MCPH1: variants seen among roughly 807,000 people sequenced by gnomAD.
The protein encoded by MCPH1 is microcephalin 1.
In MCPH1, 104 loss-of-function variants were observed where a neutral mutation model predicts 84.5. That is an observed-to-expected ratio of 1.23 (90% confidence interval 1.05 to 1.45). The LOEUF (loss-of-function observed/expected upper bound fraction) is 1.45, where lower values mean the gene tolerates loss of function less well. Among genes scored for constraint, MCPH1 ranks in the 40% most tolerant of loss-of-function variants. MCPH1 has a pLI of 0.00. For missense variants in MCPH1, 1,498 were observed against 1,005.7 expected (o/e 1.49, Z -6.62); for synonymous variants, 514 against 366.8 (o/e 1.40, Z -4.58).
intron 8 of MCPH1, chr8:6,446,844 C>A (rs1804453643): frequency 1.0e-6 from 1 of 985,186 alleles, no homozygotes; most frequent in Admixed American, 6.2e-5. Context: ...TGTGCTAGTC[C>A]TCGGAAGCAG....
chr8:6,621,539 C>A lies in MCPH1; in HGVS notation c.2300C>A (p.Ala767Asp). 2 of 1,614,192 alleles carry A rather than the reference C, an allele frequency of 1.2e-6. No homozygotes were observed. Reference protein sequence around the residue: ...ADQPAMFVSPASSPPVAKLCE... With the variant: ...ADQPAMFVSPDSSPPVAKLCE... Reference sequence around the variant, plus strand: ...CAGCCAGCGATGTTTGTCTCGCCTGCCAGCAGCCCCCCAGTGGCCAAGCTC... The same window carrying A: ...CAGCCAGCGATGTTTGTCTCGCCTGACAGCAGCCCCCCAGTGGCCAAGCTC... The change falls in exon 13 of 14, where the codon GCC becomes GAC. Residue 767 changes from alanine to aspartate, a missense_variant. By Grantham distance (126) the Ala-to-Asp change is moderately radical. Transcript: ENST00000344683.
At chr8:6,519,986 C>A (rs147113668) in intron 12 of MCPH1, 1 of 1,613,290 alleles carries the variant, frequency 6.2e-7, no homozygotes, top group Admixed American at 1.7e-5. Context: ...ACAGTGGGGT[C>A]CTTAGCTGCT....
At chr8:6,626,314 C>A (rs865818317) in intron 13 of MCPH1, 1 of 985,166 alleles carries the variant, frequency 1.0e-6, no homozygotes, top group African/African-American at 1.7e-5. Flanking sequence ...ATCTGCGCCG[C>A]GTTGCCTAAT....
At chr8:6,611,447 C>A (rs774743892) in intron 12 of MCPH1, among the ~76,000 whole-genome samples, 14 of 152,190 alleles carry the variant, frequency 9.2e-5, no homozygotes, top group Non-Finnish European at 1.8e-4. Flanking sequence ...TTGACCAATT[C>A]ATCACAAACG....
At chr8:6,550,153 C>A (rs1196378440) in intron 12 of MCPH1, among the ~76,000 whole-genome samples, 1 of 152,230 alleles carries the variant, frequency 6.6e-6, no homozygotes, top group African/African-American at 2.4e-5. Context: ...GAATCCCTTC[C>A]CCGCACAACC....
At chr8:6,484,654 C>T (rs1809640384) in intron 11 of MCPH1, among the ~76,000 whole-genome samples, 1 of 152,250 alleles carries the variant, frequency 6.6e-6, no homozygotes, top group Non-Finnish European at 1.5e-5. Context: ...GATCAACCAG[C>T]TGGACCAACC....
intron 12 of MCPH1, among the ~76,000 whole-genome samples, chr8:6,610,958 T>C (rs1252277408): frequency 6.6e-6 from 1 of 152,206 alleles, no homozygotes; most frequent in Non-Finnish European, 1.5e-5. Context: ...TCCATGCGCT[T>C]GTGGCTTTGC....
chr8:6,481,668 C>T (rs1214822533), intron 11 of MCPH1, among the ~76,000 whole-genome samples: 1 of 152,136 alleles, frequency 6.6e-6, no homozygotes. Context: ...CAAGAATGGC[C>T]GTCGTCTTTT....
At chr8:6,473,320 CTTTTTTTTTTTTTTTTT>C (rs56077837) in intron 9 of MCPH1, among the ~76,000 whole-genome samples, 6 of 76,396 alleles carry the variant, frequency 7.9e-5, no homozygotes, top group South Asian at 7.9e-4. Flanking sequence ...TCTCTCAATC[CTTTTTTTTTTTTTTTTT>C]TTTTTTTTTT....
At chr8:6,423,622 T>C (rs1320290791) in intron 3 of MCPH1, among the ~76,000 whole-genome samples, 1 of 152,244 alleles carries the variant, frequency 6.6e-6, no homozygotes. Context: ...TCTTAGTTAT[T>C]TTTTTCAATT....
chr8:6,481,267 A>C (rs1809203758), intron 11 of MCPH1, among the ~76,000 whole-genome samples: 1 of 152,220 alleles, frequency 6.6e-6, no homozygotes, highest in Non-Finnish European at 1.5e-5. Flanking sequence ...TAATTCAGTG[A>C]TTGTTTGTAC....
chr8:6,435,302 A>G (rs1187560756), intron 4 of MCPH1, among the ~76,000 whole-genome samples: 3 of 152,194 alleles, frequency 2.0e-5, no homozygotes, highest in Non-Finnish European at 4.4e-5. Context: ...GCCAACCCAC[A>G]TAGAGTCCAA....
intron 8 of MCPH1, among the ~76,000 whole-genome samples, chr8:6,448,865 G>A (rs938527164): frequency 2.6e-5 from 4 of 152,120 alleles, no homozygotes; most frequent in African/African-American, 9.7e-5. Context: ...AGACCAAATC[G>A]AGGTATGTAG....
chr8:6,532,244 T>C (rs1257601381), intron 12 of MCPH1: 9 of 1,490,622 alleles, frequency 6.0e-6, no homozygotes, highest in Non-Finnish European at 8.3e-6. Context: ...CTTTAGTTTC[T>C]CATGCCTTCA....
chr8:6,612,891 A>G (rs1023660890), intron 12 of MCPH1, among the ~76,000 whole-genome samples: 1 of 152,220 alleles, frequency 6.6e-6, no homozygotes, highest in Admixed American at 6.6e-5. Context: ...GTTTTGTTAC[A>G]AAAAGATGCA....
intron 12 of MCPH1, among the ~76,000 whole-genome samples, chr8:6,505,697 AT>A (rs1813472551): frequency 9.9e-6 from 1 of 101,192 alleles, no homozygotes; most frequent in South Asian, 3.0e-4. Flanking sequence ...GAATATATGT[AT>A]TCTTTATTAC....
At chr8:6,418,015 C>G (rs540722065) in intron 3 of MCPH1, among the ~76,000 whole-genome samples, 1 of 152,276 alleles carries the variant, frequency 6.6e-6, no homozygotes, top group East Asian at 1.9e-4. Context: ...TTAGATGCGC[C>G]CTTTAAGCCT....
In MCPH1 at chr8:6,455,162, A is replaced by C. The variant is rs186547090; in HGVS notation, c.1845A>C (p.Thr615=). The C allele has an allele frequency of 7.1e-4, 1,152 of 1,614,020 alleles. 8 individuals are homozygous for C. In the African/African-American group the frequency reaches 0.013, roughly 18 times the overall value. Residue 615 remains threonine (T), a synonymous_variant, in exon 9 of 14, where the codon ACA becomes ACC. Transcript: ENST00000344683. ...TTTTAGGTGTTAAAAATAGACCAAC[A>C]AGGCATGATGTTTTAGATGACTCAT... ...GYSGSVKNRP[T]RHDVLDDSCD...
At chr8:6,428,148 T>G (rs887603020) in intron 3 of MCPH1, among the ~76,000 whole-genome samples, 1 of 152,212 alleles carries the variant, frequency 6.6e-6, no homozygotes, top group African/African-American at 2.4e-5. Context: ...TGTAATTTTT[T>G]AAATTTTTTT....
Sources: gnomAD v4.1 joint callset for allele counts (sites outside exome capture counted in the v4.1 genomes callset) on GRCh38, gnomAD v4.1.1 for gene constraint, MANE v1.5 for transcripts, NCBI Gene and HGNC (gene_info 2026-07-23, HGNC 2026-07-21) for gene names.